PPARGC1A: variants seen among roughly 807,000 people sequenced by gnomAD.
The protein encoded by PPARGC1A is PPARG coactivator 1 alpha, also known as peroxisome proliferator-activated receptor gamma coactivator 1-alpha.
A neutral mutation model predicts 88.7 loss-of-function variants in PPARGC1A; 25 were observed. The ratio of observed to expected loss-of-function variants is 0.28; its 90% CI spans 0.21 to 0.39. The LOEUF is 0.39. Ranked by LOEUF, PPARGC1A falls within the 10% of genes least tolerant of loss-of-function variation. The pLI is 1.00. For missense variants in PPARGC1A, 880 were observed against 968.7 expected, an observed-to-expected ratio of 0.91 and a Z score of 1.22; for synonymous variants, 363 against 355.6, an observed-to-expected ratio of 1.02 and a Z score of -0.24.
the PPARGC1A span, among the ~76,000 whole-genome samples, chr4:24,213,607 C>G: frequency 1.3e-5 from 2 of 152,126 alleles, no homozygotes; most frequent in African/African-American, 4.8e-5. Context: ...GAGCTGGAAG[C>G]TGGAAAAAAG....
the PPARGC1A span, among the ~76,000 whole-genome samples, chr4:24,367,430 T>C: frequency 2.6e-4 from 40 of 152,318 alleles, no homozygotes; most frequent in Non-Finnish European, 4.6e-4. Context: ...AGCTTAAGTA[T>C]AACGGGCTCA....
the PPARGC1A span, among the ~76,000 whole-genome samples, chr4:23,926,194 C>T: frequency 6.6e-6 from 1 of 152,108 alleles, no homozygotes; most frequent in Non-Finnish European, 1.5e-5. Flanking sequence ...ATGTCTCCAG[C>T]CCAGATTGTC....
the PPARGC1A span, among the ~76,000 whole-genome samples, chr4:24,039,001 C>T: frequency 6.6e-6 from 1 of 152,092 alleles, no homozygotes; most frequent in East Asian, 1.9e-4. Flanking sequence ...ATTACATTCA[C>T]GAAACAGACA....
At chr4:23,811,889 CTTTTTTTTTTTTTTTTTTTT>C (rs71196134) in intron 10 of PPARGC1A, among the ~76,000 whole-genome samples, 30 of 59,086 alleles carry the variant, frequency 5.1e-4, no homozygotes, top group African/African-American at 1.1e-3. Context: ...GAAGAAATGA[CTTTTTTTTTTTTTTTTTTTT>C]TTTTTTTTTT....
At chr4:24,417,508 TGTAAATTCCCCTATAAAACAATGG>T in the PPARGC1A span, among the ~76,000 whole-genome samples, 1 of 152,198 alleles carries the variant, frequency 6.6e-6, no homozygotes, top group East Asian at 1.9e-4. Flanking sequence ...TCTGGGTGTA[TGTAAATTCCCCTATAAAACAATGG>T]GTCAAGATTA....
At chr4:23,985,585 A>C in the PPARGC1A span, among the ~76,000 whole-genome samples, 1 of 144,126 alleles carries the variant, frequency 6.9e-6, no homozygotes, top group South Asian at 2.3e-4. Flanking sequence ...ATAAAGGCAC[A>C]TCCATAAGCA....
the PPARGC1A span, among the ~76,000 whole-genome samples, chr4:24,290,140 G>T: frequency 6.6e-6 from 1 of 152,128 alleles, no homozygotes; most frequent in African/African-American, 2.4e-5. Context: ...CGACATGTGG[G>T]AATTACGGGA....
the PPARGC1A span, among the ~76,000 whole-genome samples, chr4:23,994,204 C>T: frequency 6.6e-6 from 1 of 152,162 alleles, no homozygotes; most frequent in African/African-American, 2.4e-5. Flanking sequence ...CCATCCTGCC[C>T]TGTCTATGTA....
chr4:24,099,249 G>A, the PPARGC1A span, among the ~76,000 whole-genome samples: 1 of 138,654 alleles, frequency 7.2e-6, no homozygotes, highest in Non-Finnish European at 1.5e-5. Flanking sequence ...ATATTTGAGG[G>A]AAGCTGGAAA....
chr4:23,932,947 G>A, the PPARGC1A span, among the ~76,000 whole-genome samples: 20 of 152,290 alleles, frequency 1.3e-4, no homozygotes, highest in African/African-American at 4.8e-4. Flanking sequence ...GTGCTTCAAG[G>A]AGAAGAAAGA....
At chr4:24,103,991 A>C in the PPARGC1A span, among the ~76,000 whole-genome samples, 1 of 152,204 alleles carries the variant, frequency 6.6e-6, no homozygotes, top group Non-Finnish European at 1.5e-5. Flanking sequence ...AAGGCCGATG[A>C]ATAAAAGAAA....
chr4:24,155,470 G>A, the PPARGC1A span, among the ~76,000 whole-genome samples: 5 of 151,692 alleles, frequency 3.3e-5, no homozygotes, highest in African/African-American at 7.3e-5. Context: ...AAAACGTAGC[G>A]TGCACCTGTA....
the PPARGC1A span, among the ~76,000 whole-genome samples, chr4:24,277,696 C>A: frequency 6.6e-6 from 1 of 152,050 alleles, no homozygotes; most frequent in East Asian, 1.9e-4. Flanking sequence ...CATTTATTTC[C>A]TTGTTTAAAA....
the PPARGC1A span, among the ~76,000 whole-genome samples, chr4:24,324,113 C>T: frequency 1.3e-5 from 2 of 152,318 alleles, no homozygotes; most frequent in African/African-American, 2.4e-5. Context: ...TATACACCCA[C>T]GTTTCAAGGG....
chr4:23,843,455 C>A (rs1320457518), intron 2 of PPARGC1A, among the ~76,000 whole-genome samples: 1 of 151,944 alleles, frequency 6.6e-6, no homozygotes, highest in Admixed American at 6.6e-5. Flanking sequence ...CTAATCCATG[C>A]AAATCATATA....
At chr4:24,430,964 AT>A in the PPARGC1A span, among the ~76,000 whole-genome samples, 1 of 151,964 alleles carries the variant, frequency 6.6e-6, no homozygotes, top group Admixed American at 6.6e-5. Context: ...CTAAAAAAAA[AT>A]ACCAAAAAAG....
chr4:24,151,738 A>G, the PPARGC1A span, among the ~76,000 whole-genome samples: 4 of 152,194 alleles, frequency 2.6e-5, no homozygotes, highest in African/African-American at 9.6e-5. Context: ...AACACAGCCC[A>G]TCCATGACGG....
chr4:24,069,942 G>C, the PPARGC1A span, among the ~76,000 whole-genome samples: 1 of 152,200 alleles, frequency 6.6e-6, no homozygotes, highest in Admixed American at 6.5e-5. Context: ...TGAGCAGAAA[G>C]AGCAATGCAG....
chr4:23,844,872 A>ATTATAATATATTATATATAT (rs1560429950), intron 2 of PPARGC1A, among the ~76,000 whole-genome samples: 2 of 82,166 alleles, frequency 2.4e-5, no homozygotes, highest in Admixed American at 3.7e-4. Flanking sequence ...GATATATATT[A>ATTATAATATATTATATATAT]TATACACACA....
Sources: gnomAD v4.1 joint callset for allele counts (sites outside exome capture counted in the v4.1 genomes callset) on GRCh38, gnomAD v4.1.1 for gene constraint, MANE v1.5 for transcripts, NCBI Gene and HGNC (gene_info 2026-07-23, HGNC 2026-07-21) for gene names.